The following RBM27 variants were observed in gnomAD, a reference collection of about 807,000 sequenced individuals.
The protein encoded by RBM27 is RNA binding motif protein 27.
A neutral mutation model predicts 135.3 loss-of-function variants in RBM27; 22 were observed. That is an observed-to-expected ratio of 0.16 (90% CI 0.12 to 0.23). RBM27 has a LOEUF of 0.23. Among genes scored for constraint, RBM27 ranks in the 10% least tolerant of loss-of-function variants. The pLI is 1.00. For missense variants in RBM27, 1,009 were observed against 1,281.0 expected, an observed-to-expected ratio of 0.79 and a Z score of 3.24; for synonymous variants, 481 against 442.4, an observed-to-expected ratio of 1.09 and a Z score of -1.10.
At chr5:146,280,451 A>G (rs1275944046) in intron 19 of RBM27, among the ~76,000 whole-genome samples, 2 of 152,246 alleles carry the variant, frequency 1.3e-5, no homozygotes, top group Non-Finnish European at 2.9e-5. Context: ...TCAATGATTT[A>G]TGAGAAGGCA....
At chr5:146,259,889 C>T (rs1309078140) in intron 11 of RBM27, among the ~76,000 whole-genome samples, 22 of 138,152 alleles carry the variant, frequency 1.6e-4, no homozygotes, top group African/African-American at 5.5e-4. Flanking sequence ...AGGAGAATGG[C>T]GTGAACCCGG....
intron 8 of RBM27, among the ~76,000 whole-genome samples, chr5:146,245,405 C>T (rs565505705): frequency 3.9e-4 from 60 of 152,188 alleles, no homozygotes; most frequent in Admixed American, 1.4e-3. Context: ...CTGCTAAGTT[C>T]GTTCGTTGTA....
chr5:146,255,003 C>G lies in RBM27; in HGVS notation c.1505C>G (p.Ser502Cys). The G allele has an allele frequency of 6.3e-7, 1 of 1,599,126 alleles. No homozygotes were observed. Among genetic ancestry groups the G allele is most frequent in the Non-Finnish European group, 8.6e-7 (1 of 1,166,502 alleles). Reference sequence around the variant, plus strand: ...CCTAGTATTACTAGTTCTGGTAGATCTCAGTACAGACAGTTCTTTTCAAGA... The same window carrying G: ...CCTAGTATTACTAGTTCTGGTAGATGTCAGTACAGACAGTTCTTTTCAAGA... ...EAPSITSSGR[S>C]QYRQFFSRTQ... Residue 502 changes from serine (S) to cysteine (C), a missense_variant, in exon 10 of 21, where the codon TCT becomes TGT. By Grantham distance (112) the Ser-to-Cys change is moderately radical. Transcript: ENST00000265271.
chr5:146,234,879 C>T (rs1218244670), intron 7 of RBM27, among the ~76,000 whole-genome samples: 1 of 151,434 alleles, frequency 6.6e-6, no homozygotes, highest in Non-Finnish European at 1.5e-5. Flanking sequence ...AGAAAAAATA[C>T]AAAAATTAGC....
At chr5:146,239,467 C>CTTTTTT (rs368919868) in intron 8 of RBM27, among the ~76,000 whole-genome samples, 18,924 of 130,480 alleles carry the variant, frequency 0.15, 2,755 homozygotes, top group African/African-American at 0.39. Flanking sequence ...TTTTTTTTTC[C>CTTTTTT]TTTTCTTTTT....
At chr5:146,283,446 A>G (rs1218699466) in intron 19 of RBM27, among the ~76,000 whole-genome samples, 1 of 152,080 alleles carries the variant, frequency 6.6e-6, no homozygotes, top group Non-Finnish European at 1.5e-5. Flanking sequence ...CTGAAGTGGG[A>G]GGATCACTTG....
chr5:146,209,380 G>A (rs1258553930), intron 1 of RBM27, among the ~76,000 whole-genome samples: 2 of 152,172 alleles, frequency 1.3e-5, no homozygotes, highest in African/African-American at 4.8e-5. Flanking sequence ...TTGATGTGCA[G>A]TTTTTGTGAT....
intron 1 of RBM27, among the ~76,000 whole-genome samples, chr5:146,205,709 A>G (rs568989457): frequency 1.3e-5 from 2 of 152,202 alleles, no homozygotes; most frequent in African/African-American, 4.8e-5. Flanking sequence ...AAAAAGAAAA[A>G]TATCTGTATG....
chr5:146,229,277 C>A (rs1464955621), intron 4 of RBM27, among the ~76,000 whole-genome samples: 1 of 151,930 alleles, frequency 6.6e-6, no homozygotes, highest in African/African-American at 2.4e-5. Context: ...GGGAGCAGTC[C>A]CCTTAGAGAA....
intron 15 of RBM27, 96 bp from the exon 16 acceptor site, chr5:146,269,111 A>G: frequency 1.4e-6 from 1 of 726,068 alleles, no homozygotes. Flanking sequence ...TTTTTTTATT[A>G]GGAGGACAGT....
At chr5:146,231,549 C>A (rs1756932273) in intron 6 of RBM27, among the ~76,000 whole-genome samples, 1 of 152,078 alleles carries the variant, frequency 6.6e-6, no homozygotes, top group African/African-American at 2.4e-5. Flanking sequence ...ATTTCAAACA[C>A]TGTATGCCAT....
chr5:146,210,323 T>C (rs375803493), intron 1 of RBM27, among the ~76,000 whole-genome samples: 2 of 152,234 alleles, frequency 1.3e-5, no homozygotes, highest in African/African-American at 4.8e-5. Context: ...CTAGGAGCTA[T>C]GGTCCAAATA....
In RBM27 at chr5:146,216,657, C is replaced by A. The variant is rs150286754; in HGVS notation, c.60-2328C>A. 2.3e-3 allele frequency among the ~76,000 whole-genome samples: 354 copies of A among 152,130 alleles called. 2 individuals carry two copies. Among genetic ancestry groups the A allele is most frequent in the African/African-American group, 7.9e-3 (327 of 41,510 alleles). On this transcript the variant is annotated intron_variant, in intron 1 of 20. Transcript: ENST00000265271. ...TTTACTTAAGAAAAATCTTTACTTT[C>A]TTTTATTTTTTATTTTTTGAGACAG...
intron 9 of RBM27, among the ~76,000 whole-genome samples, chr5:146,253,901 A>C (rs939374717): frequency 6.6e-6 from 1 of 152,166 alleles, no homozygotes; most frequent in Non-Finnish European, 1.5e-5. Context: ...TGCTGATCTT[A>C]TATTCTGAAT....
At chr5:146,263,660 T>C in intron 14 of RBM27, 29 bp downstream of exon 14, 1 of 1,607,856 alleles carries the variant, frequency 6.2e-7, no homozygotes, top group Admixed American at 1.7e-5. Flanking sequence ...TTCAGATATA[T>C]TTAGAATCAT....
chr5:146,227,099 T>C (rs1756713220), intron 3 of RBM27, among the ~76,000 whole-genome samples: 1 of 152,184 alleles, frequency 6.6e-6, no homozygotes, highest in Non-Finnish European at 1.5e-5. Flanking sequence ...TGGGTTCCAT[T>C]AGTGGTTTTC....
chr5:146,250,700 C>T (rs1757844184), intron 8 of RBM27, among the ~76,000 whole-genome samples: 1 of 147,416 alleles, frequency 6.8e-6, no homozygotes, highest in African/African-American at 2.5e-5. Flanking sequence ...TCAAAAAGTG[C>T]TTCTTAATAT....
chr5:146,277,079 C>T (rs1162471210), intron 19 of RBM27, among the ~76,000 whole-genome samples: 4 of 152,128 alleles, frequency 2.6e-5, no homozygotes, highest in African/African-American at 7.2e-5. Flanking sequence ...AATGGTAATT[C>T]TGTGACCTTT....
At chr5:146,225,711 A>G (rs987442681) in intron 3 of RBM27, among the ~76,000 whole-genome samples, 3 of 151,814 alleles carry the variant, frequency 2.0e-5, no homozygotes, top group African/African-American at 7.3e-5. Flanking sequence ...GATTACAGGC[A>G]TGTGCCACCA....
Sources: allele counts gnomAD v4.1 joint callset (sites outside exome capture counted in the v4.1 genomes callset), GRCh38; gene constraint gnomAD v4.1.1; transcripts MANE v1.5; gene names NCBI Gene and HGNC (gene_info 2026-07-23, HGNC 2026-07-21).